Variants in ZNF469 observed in about 807,000 individuals in gnomAD.
The protein encoded by ZNF469 is zinc finger protein 469.
Under a neutral mutation model 1.0 loss-of-function variants are expected in ZNF469, and 1 was observed. The ratio of observed to expected loss-of-function variants is 1.00; its 90% confidence interval spans 0.35 to 4.73. The LOEUF is 4.73. Among genes scored for constraint, ZNF469 ranks in the 30% most tolerant of loss-of-function variants. The pLI, the probability that ZNF469 is intolerant of heterozygous loss-of-function variation, is 0.16. For synonymous variants in ZNF469, 2,703 were observed against 2,363.4 expected (o/e 1.14, Z -4.17); for missense variants, 6,100 against 5,356.3 (o/e 1.14, Z -4.33).
At chr16:88,400,847 AC>A (rs888444650) in intron 1 of ZNF469, among the ~76,000 whole-genome samples, 2 of 151,250 alleles carry the variant, frequency 1.3e-5, no homozygotes, top group Non-Finnish European at 2.9e-5. Context: ...ATCTTCAGTA[AC>A]CCCAAGACAG....
At chr16:88,287,496 T>G in the ZNF469 span, among the ~76,000 whole-genome samples, 1 of 152,262 alleles carries the variant, frequency 6.6e-6, no homozygotes, top group Admixed American at 6.5e-5. Flanking sequence ...CTCCCCACCT[T>G]GTAGCACCTG....
chr16:88,147,664 C>A, the ZNF469 span, among the ~76,000 whole-genome samples: 2 of 152,064 alleles, frequency 1.3e-5, no homozygotes, highest in African/African-American at 4.8e-5. Context: ...GTGCCCCCTG[C>A]CAGCTAGGGA....
At chr16:88,378,395 C>T (rs955637184), upstream of ZNF469, among the ~76,000 whole-genome samples, 2 of 152,198 alleles carry the variant, frequency 1.3e-5, no homozygotes, top group Non-Finnish European at 2.9e-5. Context: ...TCAGCCAGGT[C>T]GCACGTTCTT....
At chr16:88,230,131 G>T in the ZNF469 span, among the ~76,000 whole-genome samples, 12 of 152,234 alleles carry the variant, frequency 7.9e-5, no homozygotes, top group African/African-American at 2.9e-4. Flanking sequence ...CCAAGGTCCA[G>T]GTGTCTTTGG....
rs766057875 is a variant in ZNF469, at chr16:88,439,292, C to A, written c.11822C>A (p.Thr3941Asn). ...LLSQLFGQRL[T>N]GFKIPLKKDA... ...AGCCAGCTCTTCGGGCAGAGACTAA[C>A]TGGCTTCAAAATCCCTTTAAAGAAA... The change falls in exon 3 of 3, where the codon ACT (threonine) becomes AAT (asparagine). Residue 3941 changes from threonine to asparagine, a missense_variant. Physicochemically the swap from Thr to Asn is moderately conservative, Grantham distance 65. Transcript: ENST00000565624. 6.5e-6 allele frequency: 10 copies of A among 1,550,334 alleles called. No homozygotes were observed. The East Asian group carries it at 2.0e-4, about 30-fold the overall frequency.
chr16:88,148,171 G>T, the ZNF469 span, among the ~76,000 whole-genome samples: 3 of 152,062 alleles, frequency 2.0e-5, no homozygotes, highest in African/African-American at 7.3e-5. Context: ...CTTTCCCCCA[G>T]TTCCTCCCAC....
At chr16:88,253,343 A>G in the ZNF469 span, among the ~76,000 whole-genome samples, 8 of 152,222 alleles carry the variant, frequency 5.3e-5, no homozygotes, top group East Asian at 1.3e-3. Flanking sequence ...GTCCCGCTTC[A>G]TTACCTACAC....
the ZNF469 span, among the ~76,000 whole-genome samples, chr16:88,243,703 A>ATGGATGGATAAATGGGTGGATGGG: frequency 3.2e-3 from 488 of 150,776 alleles, 4 homozygotes; most frequent in African/African-American, 0.011. Context: ...AGATGGGTGG[A>ATGGATGGATAAATGGGTGGATGGG]TGGATGGATA....
chr16:88,345,227 A>T, the ZNF469 span, among the ~76,000 whole-genome samples: 1 of 152,112 alleles, frequency 6.6e-6, no homozygotes, highest in South Asian at 2.1e-4. Context: ...CCAAAAGGAG[A>T]CCCTGGCATG....
chr16:88,120,804 C>T, the ZNF469 span, among the ~76,000 whole-genome samples: 143,846 of 152,194 alleles, frequency 0.95, 68,474 homozygotes, highest in East Asian at 1. Flanking sequence ...CGTATGAATC[C>T]CGGAGGAGAC....
At chr16:88,333,059 T>C in the ZNF469 span, among the ~76,000 whole-genome samples, 2 of 152,092 alleles carry the variant, frequency 1.3e-5, no homozygotes, top group Non-Finnish European at 2.9e-5. Flanking sequence ...TGCTCATTGG[T>C]GATTTGGCGG....
chr16:88,386,224 CAGCCCGTCCTCCT>C (rs2092536488), intron 1 of ZNF469, among the ~76,000 whole-genome samples: 4 of 152,238 alleles, frequency 2.6e-5, no homozygotes, highest in Non-Finnish European at 5.9e-5. Context: ...AGAGTGTGAC[CAGCCCGTCCTCCT>C]GCTCACTGTG....
the ZNF469 span, among the ~76,000 whole-genome samples, chr16:88,110,006 C>T: frequency 8.5e-5 from 13 of 152,234 alleles, no homozygotes; most frequent in African/African-American, 3.1e-4. Flanking sequence ...AAAACTCTTC[C>T]TGCAAACAGC....
the ZNF469 span, among the ~76,000 whole-genome samples, chr16:88,353,414 G>A: frequency 5.3e-5 from 8 of 152,224 alleles, no homozygotes; most frequent in South Asian, 2.1e-4. Context: ...GCCCACCTCC[G>A]CTTGGGGCTC....
At chr16:88,160,869 G>T in the ZNF469 span, among the ~76,000 whole-genome samples, 1 of 152,234 alleles carries the variant, frequency 6.6e-6, no homozygotes, top group Non-Finnish European at 1.5e-5. Flanking sequence ...AAGGCCAGGT[G>T]CGATGGCTCA....
the ZNF469 span, among the ~76,000 whole-genome samples, chr16:88,146,264 C>CG: frequency 1.5e-4 from 23 of 152,242 alleles, no homozygotes; most frequent in Middle Eastern, 3.4e-3. Context: ...CTGGCCGTGG[C>CG]GGGGGGGCAG....
At chr16:88,397,042 G>T (rs1476819109) in intron 1 of ZNF469, among the ~76,000 whole-genome samples, 3 of 151,550 alleles carry the variant, frequency 2.0e-5, no homozygotes, top group African/African-American at 7.3e-5. Context: ...AGACCCTCAT[G>T]AAGACAGGCC....
chr16:88,307,008 C>G, the ZNF469 span, among the ~76,000 whole-genome samples: 6 of 152,212 alleles, frequency 3.9e-5, no homozygotes, highest in Non-Finnish European at 8.8e-5. Flanking sequence ...GTTCCTCCCC[C>G]TACTTCTACC....
chr16:88,245,466 T>C, the ZNF469 span, among the ~76,000 whole-genome samples: 1 of 152,262 alleles, frequency 6.6e-6, no homozygotes, highest in African/African-American at 2.4e-5. Context: ...AGGGCTGAAG[T>C]TCACTGCTGT....
Sources: allele counts gnomAD v4.1 joint callset (sites outside exome capture counted in the v4.1 genomes callset), GRCh38; gene constraint gnomAD v4.1.1; transcripts MANE v1.5; gene names NCBI Gene and HGNC (gene_info 2026-07-23, HGNC 2026-07-21).